ASH1L: variants seen among roughly 807,000 people sequenced by gnomAD.
The protein encoded by ASH1L is ASH1 like histone lysine methyltransferase, also known as histone-lysine N-methyltransferase ASH1L.
Under a neutral mutation model 269.0 loss-of-function variants are expected in ASH1L, and 23 were observed. The observed-to-expected ratio is 0.09, with a 90% CI of 0.06 to 0.12. The LOEUF is 0.12. ASH1L is among the 10% of genes least tolerant of loss of function. ASH1L has a pLI of 1.00. For missense variants in ASH1L, 2,912 were observed against 3,567.8 expected (o/e 0.82, Z 4.68); for synonymous variants, 1,187 against 1,253.5 (o/e 0.95, Z 1.12).
intron 3 of ASH1L, among the ~76,000 whole-genome samples, chr1:155,474,899 C>T (rs1570923555): frequency 6.6e-6 from 1 of 152,342 alleles, no homozygotes; most frequent in East Asian, 1.9e-4. Flanking sequence ...TTTATCCTCT[C>T]CATCCAGTGT....
intron 2 of ASH1L, among the ~76,000 whole-genome samples, chr1:155,513,143 A>T (rs567306532): frequency 4.6e-5 from 7 of 152,272 alleles, no homozygotes; most frequent in African/African-American, 1.2e-4. Context: ...ATAATTTTTT[A>T]AAAATACAGA....
At chr1:155,440,573 C>T in intron 4 of ASH1L, 2 of 942,586 alleles carry the variant, frequency 2.1e-6, no homozygotes, top group Non-Finnish European at 2.5e-6. Flanking sequence ...TCTAAATATT[C>T]ATACCAATCT....
intron 2 of ASH1L, among the ~76,000 whole-genome samples, chr1:155,489,709 C>G (rs1666617189): frequency 6.6e-6 from 1 of 150,672 alleles, no homozygotes; most frequent in African/African-American, 2.4e-5. Flanking sequence ...GGTGAGCTGA[C>G]ATTGCACCAC....
intron 6 of ASH1L, among the ~76,000 whole-genome samples, chr1:155,415,159 G>A (rs1425835081): frequency 1.3e-5 from 2 of 151,994 alleles, no homozygotes; most frequent in African/African-American, 4.8e-5. Flanking sequence ...CGAGGCAGGT[G>A]GATCACGAGG....
At chr1:155,401,531 C>G (rs886110000) in intron 6 of ASH1L, among the ~76,000 whole-genome samples, 1 of 151,218 alleles carries the variant, frequency 6.6e-6, no homozygotes, top group Non-Finnish European at 1.5e-5. Flanking sequence ...CCTGTAATCC[C>G]AGCACACTGG....
intron 2 of ASH1L, among the ~76,000 whole-genome samples, chr1:155,497,995 AC>A (rs1360453544): frequency 6.6e-6 from 1 of 151,842 alleles, no homozygotes; most frequent in East Asian, 1.9e-4. Context: ...CTTGAGATCC[AC>A]CCGCCTCGGC....
At chr1:155,530,095 G>A (rs1669557733) in intron 1 of ASH1L, among the ~76,000 whole-genome samples, 1 of 151,722 alleles carries the variant, frequency 6.6e-6, no homozygotes, top group South Asian at 2.1e-4. Flanking sequence ...CCAGATAATT[G>A]CATATCTTGC....
rs1667518637 is a variant in ASH1L at position 155,501,784 on chromosome 1, T to TC, written c.420+19315dup. On this transcript the variant is annotated intron_variant, in intron 2 of 27. Coordinates refer to ENST00000392403, the MANE Select transcript of ASH1L (RefSeq NM_018489.3). ...TTCAAGCGATTCTCCTGCCTCAGCCTCCCAAGTAGCTGAGACTACAGGCAC... is the reference window on the plus strand; with the variant it reads ...TTCAAGCGATTCTCCTGCCTCAGCCTCCCCAAGTAGCTGAGACTACAGGCAC... 3.9e-5 allele frequency among the ~76,000 whole-genome samples: 6 copies of TC among 152,132 alleles called. No individual in the cohort carries two copies. The South Asian group carries it at 1.2e-3, about 32-fold the overall frequency.
At chr1:155,403,818 G>A (rs541090756) in intron 6 of ASH1L, among the ~76,000 whole-genome samples, 5 of 151,566 alleles carry the variant, frequency 3.3e-5, no homozygotes, top group South Asian at 2.1e-4. Flanking sequence ...TTTGGAGGGC[G>A]GCGATCTATT....
At chr1:155,469,588 T>C (rs1034614062) in intron 3 of ASH1L, among the ~76,000 whole-genome samples, 6 of 152,204 alleles carry the variant, frequency 3.9e-5, no homozygotes, top group African/African-American at 7.2e-5. Context: ...TCTATAATTA[T>C]CTTCAGGTTT....
intron 1 of ASH1L, among the ~76,000 whole-genome samples, chr1:155,551,391 T>C (rs1366566100): frequency 1.3e-5 from 2 of 152,130 alleles, no homozygotes; most frequent in African/African-American, 4.8e-5. Flanking sequence ...CCGGGCGCAG[T>C]GGCTCACGCC....
At chr1:155,360,439 G>T in intron 12 of ASH1L, 30 bp from the exon 13 acceptor site, 5 of 1,489,732 alleles carry the variant, frequency 3.4e-6, no homozygotes, top group Non-Finnish European at 4.6e-6. Flanking sequence ...AGTTATAAAG[G>T]CTGGAAATTT....
chr1:155,518,703 G>A (rs1025965414), intron 2 of ASH1L, among the ~76,000 whole-genome samples: 1 of 149,146 alleles, frequency 6.7e-6, no homozygotes, highest in Admixed American at 6.7e-5. Context: ...GGGGGCGGTG[G>A]GAGGAAGGAA....
rs191127740 is a variant in ASH1L, at chr1:155,346,971, T to C, written c.7804-502A>G. On this transcript the variant is annotated intron_variant, in intron 20 of 27. Coordinates refer to ENST00000392403, the MANE Select transcript of ASH1L (RefSeq NM_018489.3). ...ATCAGGAGCCCTACATGTATTAACA[T>C]ATTTCACTCTATCAGAGGATTCAAT... Among the ~76,000 whole-genome samples the C allele has an allele frequency of 1.2e-4, 19 of 152,368 alleles. No homozygotes were observed. In the East Asian group the frequency reaches 3.5e-3, roughly 28 times the overall value.
chr1:155,453,997 C>T (rs1449590237), intron 4 of ASH1L, among the ~76,000 whole-genome samples: 2 of 152,016 alleles, frequency 1.3e-5, no homozygotes, highest in African/African-American at 2.4e-5. Flanking sequence ...CCCAGCTACT[C>T]GGGAAGCTGA....
chr1:155,415,687 G>A, intron 6 of ASH1L, 57 bp downstream of exon 6: 1 of 1,537,990 alleles, frequency 6.5e-7, no homozygotes, highest in South Asian at 1.2e-5. Flanking sequence ...GATAGTCAAA[G>A]TATTTTTCCA....
intron 5 of ASH1L, among the ~76,000 whole-genome samples, chr1:155,427,259 T>C (rs1661227859): frequency 6.6e-6 from 1 of 151,546 alleles, no homozygotes; most frequent in South Asian, 2.1e-4. Flanking sequence ...CTCAGCCTCA[T>C]GAGTAGCTGG....
chr1:155,441,384 T>G (rs929091570), intron 4 of ASH1L, among the ~76,000 whole-genome samples: 7 of 142,058 alleles, frequency 4.9e-5, no homozygotes, highest in African/African-American at 1.8e-4. Context: ...GTTGGCATAC[T>G]GGCCAACAGA....
chr1:155,434,618 C>G (rs979585565), intron 5 of ASH1L, among the ~76,000 whole-genome samples: 1 of 151,786 alleles, frequency 6.6e-6, no homozygotes. Flanking sequence ...TTCGGGAGGC[C>G]GAGGCGGGAG....
Sources: allele counts gnomAD v4.1 joint callset (sites outside exome capture counted in the v4.1 genomes callset), GRCh38; gene constraint gnomAD v4.1.1; transcripts MANE v1.5; gene names NCBI Gene and HGNC (gene_info 2026-07-23, HGNC 2026-07-21).